Variants in AAK1 observed in about 807,000 individuals in gnomAD.
The protein encoded by AAK1 is AP2-associated protein kinase 1.
In AAK1, 37 loss-of-function variants were observed where a neutral mutation model predicts 116.0. The observed-to-expected ratio is 0.32, with a 90% confidence interval of 0.25 to 0.42. The LOEUF (loss-of-function observed/expected upper bound fraction) is 0.42. Ranked by LOEUF, AAK1 falls within the 10% of genes least tolerant of loss-of-function variation. The pLI, the probability that AAK1 is intolerant of heterozygous loss-of-function variation, is 1.00. For missense variants in AAK1, 919 were observed against 1,170.6 expected (o/e 0.79, Z 3.14); for synonymous variants, 458 against 439.9 (o/e 1.04, Z -0.51).
Position 69,473,732 on chromosome 2 carries a change from AT to A in AAK1, c.*2136del. The A allele has an allele frequency of 1.0e-6, 1 of 965,554 alleles. No homozygotes were observed. The highest frequency in any genetic ancestry group is 1.2e-6 in the Non-Finnish European group (1 of 811,392). The allele number at this position is 965,554 out of a possible 1,614,324, so 59.8% of individuals were successfully genotyped here. ...ATTTCATTATATTTCTAACATGTAT[AT>A]ACGAAAAAAATCAAATATGAAAACA... On this transcript the variant is annotated 3_prime_UTR_variant, in exon 22 of 22. Transcript: ENST00000409085.
chr2:69,609,219 C>A (rs1167330100), intron 2 of AAK1, among the ~76,000 whole-genome samples: 3 of 151,352 alleles, frequency 2.0e-5, no homozygotes, highest in Non-Finnish European at 4.4e-5. Context: ...AAAAATTAGC[C>A]GGGCTTGGTG....
intron 2 of AAK1, among the ~76,000 whole-genome samples, chr2:69,575,037 C>CA: frequency 7.1e-6 from 1 of 139,916 alleles, no homozygotes; most frequent in Non-Finnish European, 1.5e-5. Flanking sequence ...AAAAAAAAAA[C>CA]CACACACACA....
intron 2 of AAK1, among the ~76,000 whole-genome samples, chr2:69,596,922 T>TG (rs1391639123): frequency 6.6e-6 from 1 of 151,718 alleles, no homozygotes; most frequent in Non-Finnish European, 1.5e-5. Context: ...GCCATGGTGG[T>TG]GGGGGAGTAG....
chr2:69,529,083 G>A (rs1670138272), intron 8 of AAK1, among the ~76,000 whole-genome samples: 1 of 152,176 alleles, frequency 6.6e-6, no homozygotes, highest in Non-Finnish European at 1.5e-5. Context: ...ATGTTAAGTG[G>A]ATAAGTTACC....
intron 16 of AAK1, among the ~76,000 whole-genome samples, chr2:69,500,664 A>AATATATATAT (rs34635707): frequency 0.021 from 1,278 of 60,550 alleles, 64 homozygotes; most frequent in Middle Eastern, 0.067. Context: ...AGTCCCTTAA[A>AATATATATAT]ATATATATAT....
intron 3 of AAK1, among the ~76,000 whole-genome samples, chr2:69,548,550 C>T (rs930917653): frequency 2.8e-5 from 4 of 144,628 alleles, no homozygotes; most frequent in Non-Finnish European, 4.5e-5. Flanking sequence ...TCCTTCCTTC[C>T]TCTTTCTTTC....
At chr2:69,549,014 T>C (rs1671058900) in intron 3 of AAK1, among the ~76,000 whole-genome samples, 1 of 152,210 alleles carries the variant, frequency 6.6e-6, no homozygotes, top group Non-Finnish European at 1.5e-5. Context: ...TTCCACCTCC[T>C]GATTTTCTAG....
rs1558925361 is a variant in AAK1 at position 69,514,593 on chromosome 2, G to A, written c.1654C>T (p.His552Tyr). The A allele has an allele frequency of 6.3e-7, 1 of 1,586,142 alleles. No homozygotes were observed. Among genetic ancestry groups the A allele is most frequent in the Non-Finnish European group, 8.6e-7 (1 of 1,166,206 alleles). ...TGCTGAGTCATCAGCTGTTGTTGAT[G>A]CAGGGCTGTGGCCAGCTGTTGCTGT... Reference protein sequence around the residue: ...QQQQQLATALHQQQLMTQQAA... With the variant: ...QQQQQLATALYQQQLMTQQAA... Residue 552 changes from histidine to tyrosine, a missense_variant, in exon 13 of 22, where the codon CAT (histidine) becomes TAT (tyrosine). Around this residue, in one of 4 missense-constraint regions of AAK1, gnomAD observed 214 missense variants for 210.6 expected, o/e 1.02. Coordinates refer to ENST00000409085, the MANE Select transcript of AAK1 (RefSeq NM_014911.5).
chr2:69,610,098 TA>T, intron 2 of AAK1, among the ~76,000 whole-genome samples: 1 of 151,020 alleles, frequency 6.6e-6, no homozygotes, highest in Non-Finnish European at 1.5e-5. Flanking sequence ...CCTTCTGATT[TA>T]AAAACTTACT....
chr2:69,522,675 G>A (rs1257624010), intron 10 of AAK1, among the ~76,000 whole-genome samples: 4 of 152,012 alleles, frequency 2.6e-5, no homozygotes, highest in Admixed American at 1.3e-4. Context: ...GTGGTGGCAC[G>A]CGCCTGTAGT....
At position 69,470,349 on chromosome 2, in the gene AAK1, G is replaced by T. The variant is rs958268743; in HGVS notation, c.*5520C>A. The T allele has an allele frequency of 3.9e-5, 38 of 985,282 alleles. No homozygotes were observed. The highest frequency in any genetic ancestry group is 4.6e-5 in the Non-Finnish European group (38 of 829,930). The allele number at this position is 985,282 out of a possible 1,614,324, so 61.0% of individuals were successfully genotyped here. A position where few individuals can be genotyped will look rare whatever the true frequency, so the allele number is the denominator to read the frequency against. On this transcript the variant is annotated 3_prime_UTR_variant, in exon 22 of 22. Transcript: ENST00000409085. ...GCAGCAATTGAAACGTAAAATTTTAGAACCAAACTGGGGAAATCAAGAGAC... is the reference window on the plus strand; with the variant it reads ...GCAGCAATTGAAACGTAAAATTTTATAACCAAACTGGGGAAATCAAGAGAC...
Position 69,476,040 on chromosome 2 carries a change from A to AAAACC in AAK1, c.2792-82_2792-78dup. The AAAACC allele has an allele frequency of 2.0e-6, 3 of 1,491,632 alleles. No individual in the cohort carries two copies. In the Middle Eastern group the frequency reaches 5.4e-4, roughly 267 times the overall value. 92.4% of individuals were successfully genotyped at this position (1,491,632 alleles called of 1,614,324 possible). A position where few individuals can be genotyped will look rare whatever the true frequency, so the allele number is the denominator to read the frequency against. ...AGATGTGCAGAGCAAGCAAAGAAGA[A>AAAACC]AAACCAAACCAAAACCAAAACCAAA... is the stretch of plus-strand genomic sequence containing the variant. On this transcript the variant is annotated intron_variant, in intron 21 of 21. Coordinates refer to ENST00000409085, the MANE Select transcript of AAK1 (RefSeq NM_014911.5).
chr2:69,538,302 C>T (rs752971949), intron 5 of AAK1, among the ~76,000 whole-genome samples: 1 of 152,242 alleles, frequency 6.6e-6, no homozygotes, highest in Non-Finnish European at 1.5e-5. Flanking sequence ...GTTTGCTCCG[C>T]ATTCCCCTGC....
At position 69,461,017 on chromosome 2, in the gene AAK1, G is replaced by T. The variant is rs1260357544; in HGVS notation, c.*14852C>A. On this transcript the variant is annotated 3_prime_UTR_variant, in exon 22 of 22. Transcript: ENST00000409085. ...AAACACAACAAACGAAAACAAGAAA[G>T]TAGAGTTGTTTGTTGATTATATACA... 2 of 152,186 alleles carry T rather than the reference G, an allele frequency of 1.3e-5. No individual in the cohort carries two copies. The highest frequency in any genetic ancestry group is 2.9e-5 in the Non-Finnish European group (2 of 68,026). The allele number at this position is 152,186 out of a possible 1,614,324, so 9.4% of individuals were successfully genotyped here.
rs540390057 is a variant in AAK1, at chr2:69,622,171, C to G, written c.163+20707G>C. Among the ~76,000 whole-genome samples, 7 of 152,346 alleles carry G rather than the reference C, an allele frequency of 4.6e-5. No homozygotes were observed. In the South Asian group the frequency reaches 1.2e-3, roughly 27 times the overall value. On this transcript the variant is annotated intron_variant, in intron 2 of 21. Coordinates refer to ENST00000409085, the MANE Select transcript of AAK1 (RefSeq NM_014911.5). ...GGGCGTGGGCTTGGTGGGCCCCGCA[C>G]TCAGAGCAGACAGCGGGCCCCAGGC...
At chr2:69,550,506 T>C (rs1427983752) in intron 3 of AAK1, among the ~76,000 whole-genome samples, 2 of 152,116 alleles carry the variant, frequency 1.3e-5, no homozygotes, top group East Asian at 3.8e-4. Flanking sequence ...GGTTTCACCA[T>C]GTTGGCCAGG....
intron 2 of AAK1, among the ~76,000 whole-genome samples, chr2:69,572,607 G>A (rs1161042591): frequency 1.1e-4 from 11 of 101,254 alleles, no homozygotes; most frequent in African/African-American, 1.9e-4. Context: ...CAACAAAAAC[G>A]AAACTCTGTC....
intron 2 of AAK1, among the ~76,000 whole-genome samples, chr2:69,620,498 C>T (rs1164934253): frequency 6.6e-6 from 1 of 152,228 alleles, no homozygotes; most frequent in Non-Finnish European, 1.5e-5. Context: ...GGTGCTCCCA[C>T]TCACCAACTC....
intron 17 of AAK1, among the ~76,000 whole-genome samples, chr2:69,488,272 G>A (rs1179651814): frequency 6.6e-6 from 1 of 151,890 alleles, no homozygotes; most frequent in Non-Finnish European, 1.5e-5. Context: ...TCAGCATCAT[G>A]CTATGTACCC....
Sources: allele counts gnomAD v4.1 joint callset (sites outside exome capture counted in the v4.1 genomes callset), GRCh38; gene constraint gnomAD v4.1.1; regional missense constraint gnomAD v4.1.1; transcripts MANE v1.5; gene names NCBI Gene and HGNC (gene_info 2026-07-23, HGNC 2026-07-21).